The following RALY variants were observed in gnomAD, a reference collection of about 807,000 sequenced individuals.
The protein encoded by RALY is RNA-binding protein Raly.
RALY carries 15 observed loss-of-function variants against 30.7 expected under a neutral mutation model. The observed-to-expected ratio is 0.49, with a 90% confidence interval of 0.33 to 0.75. RALY has a LOEUF of 0.75. Among genes scored for constraint, RALY ranks in the 30% least tolerant of loss-of-function variants. RALY has a pLI of 0.02. For missense variants in RALY, 339 were observed against 414.3 expected (o/e 0.82, Z 1.58); for synonymous variants, 177 against 170.8 (o/e 1.04, Z -0.28).
At chr20:34,040,617 T>TG (rs1462299833) in intron 2 of RALY, among the ~76,000 whole-genome samples, 1 of 152,230 alleles carries the variant, frequency 6.6e-6, no homozygotes, top group South Asian at 2.1e-4. Context: ...TTTTGCTAGT[T>TG]TGTCCTTTCC....
chr20:34,045,629 C>CT (rs1427002460), intron 2 of RALY, among the ~76,000 whole-genome samples: 1 of 152,218 alleles, frequency 6.6e-6, no homozygotes. Flanking sequence ...CCTTTGCTCT[C>CT]TGCCATCTTC....
chr20:33,995,678 A>G (rs902953978), intron 1 of RALY, among the ~76,000 whole-genome samples: 7 of 152,230 alleles, frequency 4.6e-5, no homozygotes, highest in South Asian at 2.1e-4. Flanking sequence ...TACGAGTCCT[A>G]TGTGGGAGCT....
chr20:34,036,930 A>AT (rs756281100), intron 2 of RALY, among the ~76,000 whole-genome samples: 4 of 149,366 alleles, frequency 2.7e-5, no homozygotes, highest in South Asian at 2.1e-4. Flanking sequence ...ATTTTTTATT[A>AT]TTTTCTGTTT....
At chr20:34,068,497 T>G (rs536137027) in intron 2 of RALY, among the ~76,000 whole-genome samples, 1 of 152,186 alleles carries the variant, frequency 6.6e-6, no homozygotes, top group Non-Finnish European at 1.5e-5. Flanking sequence ...CTGGGACATA[T>G]GTTTAACCAC....
chr20:33,994,654 G>A (rs2030510815), intron 1 of RALY, among the ~76,000 whole-genome samples: 1 of 152,152 alleles, frequency 6.6e-6, no homozygotes, highest in Admixed American at 6.5e-5. Context: ...CTTGGGCTCG[G>A]AGAGAAACAA....
In RALY at chr20:34,021,879, A is replaced by T. The variant is rs573831172; in HGVS notation, c.-92-9643A>T. Among the ~76,000 whole-genome samples the T allele has an allele frequency of 7.4e-3, 1,124 of 151,222 alleles. 6 individuals are homozygous for T. The highest frequency in any genetic ancestry group is 0.017 in the Middle Eastern group (5 of 294). ...TTTAAATTTTTTTATTATTAAAAAAATTTTTTTTAATTTGTTCTTTTAAGT... is the reference window on the plus strand; with the variant it reads ...TTTAAATTTTTTTATTATTAAAAAATTTTTTTTTAATTTGTTCTTTTAAGT... On this transcript the variant is annotated intron_variant, in intron 1 of 9. Coordinates refer to ENST00000246194, the MANE Select transcript of RALY (RefSeq NM_016732.3).
intron 1 of RALY, among the ~76,000 whole-genome samples, chr20:34,001,480 C>A (rs2030912696): frequency 6.6e-6 from 1 of 152,068 alleles, no homozygotes; most frequent in East Asian, 1.9e-4. Context: ...TTTAGAATGC[C>A]AGGTTTGGAA....
intron 2 of RALY, among the ~76,000 whole-genome samples, chr20:34,066,657 C>G (rs1324047993): frequency 6.6e-6 from 1 of 151,354 alleles, no homozygotes; most frequent in Admixed American, 6.6e-5. Flanking sequence ...TCCCAAAGTG[C>G]TGGGATTACT....
chr20:34,072,577 A>T (rs1240887738), intron 3 of RALY, among the ~76,000 whole-genome samples: 1 of 152,244 alleles, frequency 6.6e-6, no homozygotes, highest in Non-Finnish European at 1.5e-5. Flanking sequence ...CAGGCTTTAC[A>T]GTTCCAGTTA....
Position 34,073,833 on chromosome 20 carries a change from A to G in RALY, c.344A>G (p.Asp115Gly), listed in dbSNP as rs746317262. Residue 115 changes from aspartate to glycine, a missense_variant, in exon 5 of 10, where the codon GAC (aspartate) becomes GGC (glycine). Coordinates refer to ENST00000246194, the MANE Select transcript of RALY (RefSeq NM_016732.3). ...ASAIYSGYIFDYDYYRDDFYD... is the reference protein window; with the variant it reads ...ASAIYSGYIFGYDYYRDDFYD... ...TGTTTCCCCAGTGGCTACATCTTTG[A>G]CTATGATTACTACCGGGACGACTTC... is the stretch of plus-strand genomic sequence containing the variant. 2 of 1,613,980 alleles carry G rather than the reference A, an allele frequency of 1.2e-6. No individual in the cohort carries two copies. Among genetic ancestry groups the G allele is most frequent in the African/African-American group, 2.7e-5 (2 of 74,904 alleles).
In RALY at chr20:34,030,787, CT is replaced by C. The variant is rs574277242; in HGVS notation, c.-92-733del. On this transcript the variant is annotated intron_variant, in intron 1 of 9. Coordinates refer to ENST00000246194, the MANE Select transcript of RALY (RefSeq NM_016732.3). ...ACTCCACTCTAGCTATATTATTAGT[CT>C]TCTTGTTCCTTAAACATACCAAGGC... Among the ~76,000 whole-genome samples the C allele has an allele frequency of 6.5e-4, 99 of 152,230 alleles. 1 individual carries two copies. The highest frequency in any genetic ancestry group is 2.3e-3 in the African/African-American group (96 of 41,536).
intron 3 of RALY, among the ~76,000 whole-genome samples, chr20:34,073,283 C>T (rs115168143): frequency 0.01 from 1,539 of 148,480 alleles, 31 homozygotes; most frequent in African/African-American, 0.037. Context: ...GAATATTCGA[C>T]GTGTGTGTGT....
chr20:34,002,535 C>G (rs1312106540), intron 1 of RALY, among the ~76,000 whole-genome samples: 1 of 152,218 alleles, frequency 6.6e-6, no homozygotes, highest in Non-Finnish European at 1.5e-5. Context: ...ATTGAGGGTT[C>G]AAACGGAAAA....
intron 2 of RALY, among the ~76,000 whole-genome samples, chr20:34,042,967 T>C (rs144401543): frequency 2.0e-5 from 3 of 152,366 alleles, no homozygotes; most frequent in African/African-American, 7.2e-5. Flanking sequence ...TTTGGATAAT[T>C]TTCCTTAACA....
chr20:34,025,899 G>GTTTTTTTTTTTTTTTTTTTTTTTT (rs35827160), intron 1 of RALY, among the ~76,000 whole-genome samples: 1 of 75,920 alleles, frequency 1.3e-5, no homozygotes, highest in Admixed American at 1.8e-4. Flanking sequence ...ATTCCTGGTT[G>GTTTTTTTTTTTTTTTTTTTTTTTT]TTTTTTTTTT....
chr20:34,040,076 A>C (rs187788925), intron 2 of RALY, among the ~76,000 whole-genome samples: 2 of 151,994 alleles, frequency 1.3e-5, no homozygotes, highest in East Asian at 1.9e-4. Context: ...CCACCACTGC[A>C]CTCCAGCCTG....
At chr20:34,057,878 A>G (rs2033300508) in intron 2 of RALY, among the ~76,000 whole-genome samples, 1 of 152,152 alleles carries the variant, frequency 6.6e-6, no homozygotes, top group Non-Finnish European at 1.5e-5. Context: ...AATAGAGAAC[A>G]TTGGTTCATG....
chr20:34,021,827 C>T (rs995408437), intron 1 of RALY, among the ~76,000 whole-genome samples: 7 of 151,610 alleles, frequency 4.6e-5, no homozygotes, highest in African/African-American at 1.2e-4. Flanking sequence ...CCTCAGGAGA[C>T]GGAACTCTTT....
Position 34,076,711 on chromosome 20 carries a change from G to T in RALY, c.554G>T (p.Ser185Ile), listed in dbSNP as rs145041366. The T allele has an allele frequency of 2.5e-6, 4 of 1,613,922 alleles. No individual in the cohort carries two copies. The highest frequency in any genetic ancestry group is 2.7e-5 in the African/African-American group (2 of 74,948). ...CCCCCTCCACTCCCAGTAAAGAGCAGTGAGCTGCAGGCCATCAAGACGGAG... is the reference window on the plus strand; with the variant it reads ...CCCCCTCCACTCCCAGTAAAGAGCATTGAGCTGCAGGCCATCAAGACGGAG... ...TSSAKIKLKSSELQAIKTELT... is the reference protein window; with the variant it reads ...TSSAKIKLKSIELQAIKTELT... Residue 185 changes from serine to isoleucine, a missense_variant, in exon 7 of 10, where the codon AGT becomes ATT. This residue lies in a region of RALY where 268 missense variants were observed against 280.6 expected (regional missense o/e 0.95). Transcript: ENST00000246194.
Sources: gnomAD v4.1 joint callset for allele counts (sites outside exome capture counted in the v4.1 genomes callset) on GRCh38, gnomAD v4.1.1 for gene constraint, gnomAD v4.1.1 regional missense constraint, MANE v1.5 for transcripts, NCBI Gene and HGNC (gene_info 2026-07-23, HGNC 2026-07-21) for gene names.